CSMD1: variants seen among roughly 807,000 people sequenced by gnomAD.
CSMD1 encodes the protein CUB and sushi domain-containing protein 1.
Under a neutral mutation model 417.5 loss-of-function variants are expected in CSMD1, and 213 were observed. That is an observed-to-expected ratio of 0.51 (90% CI 0.46 to 0.57). The LOEUF (loss-of-function observed/expected upper bound fraction) is 0.57. Ranked by LOEUF, CSMD1 falls within the 20% of genes least tolerant of loss-of-function variation. The pLI, the probability that CSMD1 is intolerant of heterozygous loss-of-function variation, is 0.00. For synonymous variants in CSMD1, 2,862 were observed against 1,736.8 expected, an observed-to-expected ratio of 1.65 and a Z score of -16.11; for missense variants, 6,923 against 4,529.7, an observed-to-expected ratio of 1.53 and a Z score of -15.17.
intron 1 of CSMD1, among the ~76,000 whole-genome samples, chr8:4,904,920 G>C (rs1276817877): frequency 2.0e-5 from 3 of 152,110 alleles, no homozygotes; most frequent in Non-Finnish European, 4.4e-5. Context: ...CACTTCTGTA[G>C]AATACTGTCC....
chr8:3,574,413 G>C (rs1382417466), intron 10 of CSMD1, among the ~76,000 whole-genome samples: 2 of 152,030 alleles, frequency 1.3e-5, no homozygotes, highest in Non-Finnish European at 2.9e-5. Context: ...GCTAATTTTT[G>C]TTCGTATTTT....
intron 1 of CSMD1, among the ~76,000 whole-genome samples, chr8:4,918,542 A>C (rs1031114140): frequency 6.6e-6 from 1 of 152,194 alleles, no homozygotes; most frequent in Non-Finnish European, 1.5e-5. Flanking sequence ...TGAAAAAAAA[A>C]GCCAATTTCC....
At chr8:3,736,624 G>C (rs1457138568) in intron 6 of CSMD1, among the ~76,000 whole-genome samples, 1 of 152,190 alleles carries the variant, frequency 6.6e-6, no homozygotes, top group Non-Finnish European at 1.5e-5. Context: ...ATGGCAGAGT[G>C]AATCTTTCTC....
intron 1 of CSMD1, among the ~76,000 whole-genome samples, chr8:4,961,143 C>A (rs1297746987): frequency 6.6e-6 from 1 of 152,128 alleles, no homozygotes; most frequent in Non-Finnish European, 1.5e-5. Flanking sequence ...TAACTTCTTA[C>A]CTTGAACAAC....
At chr8:3,311,830 A>G (rs562640700) in intron 23 of CSMD1, among the ~76,000 whole-genome samples, 2 of 152,274 alleles carry the variant, frequency 1.3e-5, no homozygotes, top group African/African-American at 4.8e-5. Flanking sequence ...AATAACATTC[A>G]TTTTCCTGTG....
At chr8:4,907,939 A>G (rs1805409672) in intron 1 of CSMD1, among the ~76,000 whole-genome samples, 1 of 152,214 alleles carries the variant, frequency 6.6e-6, no homozygotes, top group Admixed American at 6.5e-5. Context: ...ATCATTTGAT[A>G]GAAAATAAAA....
chr8:4,958,598 G>C (rs1298545940), intron 1 of CSMD1, among the ~76,000 whole-genome samples: 1 of 152,166 alleles, frequency 6.6e-6, no homozygotes, highest in Non-Finnish European at 1.5e-5. Context: ...GCAGTGTTCT[G>C]AGTTCTGCTA....
intron 1 of CSMD1, among the ~76,000 whole-genome samples, chr8:4,972,435 A>G (rs1023517661): frequency 6.6e-6 from 1 of 152,188 alleles, no homozygotes; most frequent in African/African-American, 2.4e-5. Context: ...TAATGGTTTT[A>G]TAAGTGTTTG....
intron 3 of CSMD1, among the ~76,000 whole-genome samples, chr8:4,306,086 T>A (rs1041918593): frequency 6.6e-6 from 1 of 152,208 alleles, no homozygotes; most frequent in Non-Finnish European, 1.5e-5. Flanking sequence ...TGAGAAATGT[T>A]ATAATGAATC....
In CSMD1 at chr8:3,641,997, C is replaced by G. The variant is rs533504227; in HGVS notation, c.1010-25200G>C. 2.6e-5 allele frequency among the ~76,000 whole-genome samples: 4 copies of G among 152,158 alleles called. No individual in the cohort carries two copies. The South Asian group carries it at 8.3e-4, about 32-fold the overall frequency. ...AGCAGCAATCCTAAGAGATTAGCAG[C>G]CCCAGAAGCTAGGTTTCCCCCTCAC... is the stretch of plus-strand genomic sequence containing the variant. On this transcript the variant is annotated intron_variant, in intron 7 of 69. Transcript: ENST00000635120.
chr8:3,064,415 T>A (rs1812785857), intron 49 of CSMD1, among the ~76,000 whole-genome samples: 1 of 152,136 alleles, frequency 6.6e-6, no homozygotes, highest in African/African-American at 2.4e-5. Context: ...GGGACTTGCT[T>A]CCCCTTCGCT....
At chr8:3,627,687 A>G (rs1255993171) in intron 7 of CSMD1, among the ~76,000 whole-genome samples, 1 of 152,238 alleles carries the variant, frequency 6.6e-6, no homozygotes, top group East Asian at 1.9e-4. Flanking sequence ...TTTTATGGTA[A>G]GCACGTTTTT....
chr8:4,806,335 C>A (rs943447122), intron 1 of CSMD1, among the ~76,000 whole-genome samples: 4 of 152,166 alleles, frequency 2.6e-5, no homozygotes, highest in Admixed American at 2.0e-4. Flanking sequence ...GGGAGGCTGG[C>A]TCTGTCAGTT....
chr8:4,307,073 C>G (rs969187078), intron 3 of CSMD1, among the ~76,000 whole-genome samples: 3 of 152,048 alleles, frequency 2.0e-5, no homozygotes, highest in Admixed American at 6.6e-5. Flanking sequence ...AACCCTGCTC[C>G]CACTATTGCC....
At position 4,215,507 on chromosome 8, in the gene CSMD1, GT is replaced by G. The variant is rs59039032; in HGVS notation, c.416-183409del. On this transcript the variant is annotated intron_variant, in intron 3 of 69. Coordinates refer to ENST00000635120, the MANE Select transcript of CSMD1 (RefSeq NM_033225.6). ...CCGGGGTTTTATGAATACATAGAGA[GT>G]TTTTTTTTTTTCTTCCAGAGACCAG... 5.5e-3 allele frequency among the ~76,000 whole-genome samples: 826 copies of G among 151,120 alleles called. 8 individuals carry two copies. Among genetic ancestry groups the G allele is most frequent in the African/African-American group, 0.018 (736 of 41,164 alleles).
At chr8:3,246,804 G>A (rs1799913217) in intron 26 of CSMD1, among the ~76,000 whole-genome samples, 1 of 152,064 alleles carries the variant, frequency 6.6e-6, no homozygotes, top group South Asian at 2.1e-4. Context: ...ATATTTACAT[G>A]GATTTCTCAT....
intron 7 of CSMD1, among the ~76,000 whole-genome samples, chr8:3,625,366 G>A (rs575235060): frequency 1.3e-5 from 2 of 152,084 alleles, no homozygotes; most frequent in Non-Finnish European, 2.9e-5. Flanking sequence ...CTGAGTGAGA[G>A]ACAAGGGCTG....
intron 2 of CSMD1, among the ~76,000 whole-genome samples, chr8:4,423,075 G>C (rs978947570): frequency 6.6e-6 from 1 of 151,910 alleles, no homozygotes; most frequent in Non-Finnish European, 1.5e-5. Context: ...ATTTAAAAAA[G>C]CCTAAAGATA....
At chr8:2,939,837 C>G (rs1007393182) in intron 69 of CSMD1, among the ~76,000 whole-genome samples, 1 of 152,214 alleles carries the variant, frequency 6.6e-6, no homozygotes, top group African/African-American at 2.4e-5. Context: ...CGTTAGCAAA[C>G]AAATCCAGCC....
Sources: allele counts gnomAD v4.1 joint callset (sites outside exome capture counted in the v4.1 genomes callset), GRCh38; gene constraint gnomAD v4.1.1; transcripts MANE v1.5; gene names NCBI Gene and HGNC (gene_info 2026-07-23, HGNC 2026-07-21).